The following KIF6 variants were observed in gnomAD, a reference collection of about 807,000 sequenced individuals.
The protein encoded by KIF6 is kinesin-like protein KIF6.
KIF6 carries 106 observed loss-of-function variants against 112.7 expected under a neutral mutation model. The ratio of observed to expected loss-of-function variants is 0.94; its 90% CI spans 0.80 to 1.11. KIF6 has a LOEUF of 1.11. KIF6 is among the 50% of genes least tolerant of loss of function. KIF6 has a pLI of 0.00. For synonymous variants in KIF6, 339 were observed against 339.9 expected (o/e 1.00, Z 0.03); for missense variants, 929 against 964.0 (o/e 0.96, Z 0.48).
chr6:39,367,438 G>A (rs1765646891), intron 16 of KIF6, among the ~76,000 whole-genome samples: 2 of 152,164 alleles, frequency 1.3e-5, no homozygotes, highest in South Asian at 4.1e-4. Flanking sequence ...AGTGGCCTGC[G>A]AGGTCACACT....
chr6:39,725,126 G>A, intron 1 of KIF6, 119 bp downstream of exon 1: 4 of 709,554 alleles, frequency 5.6e-6, no homozygotes, highest in Non-Finnish European at 8.8e-6. Context: ...CGGGATTCCG[G>A]GCGGCCTCGG....
intron 14 of KIF6, among the ~76,000 whole-genome samples, chr6:39,422,322 C>T (rs573006607): frequency 6.6e-6 from 1 of 152,296 alleles, no homozygotes; most frequent in Admixed American, 6.5e-5. Flanking sequence ...GCAGAGGGAG[C>T]CGCTGAGTGC....
At chr6:39,684,299 C>T (rs1307544093) in intron 3 of KIF6, among the ~76,000 whole-genome samples, 7 of 151,976 alleles carry the variant, frequency 4.6e-5, no homozygotes, top group South Asian at 4.1e-4. Context: ...GTCAGGAGTT[C>T]GAGACCAGCC....
intron 13 of KIF6, among the ~76,000 whole-genome samples, chr6:39,476,037 C>G (rs1374524207): frequency 6.6e-6 from 1 of 151,166 alleles, no homozygotes; most frequent in African/African-American, 2.4e-5. Context: ...AACACATACT[C>G]GGGCCTGTGG....
intron 9 of KIF6, chr6:39,583,147 C>T: frequency 3.9e-6 from 1 of 255,784 alleles, no homozygotes; most frequent in Non-Finnish European, 8.0e-6. Flanking sequence ...AACAAACAAA[C>T]AAACAAACAA....
intron 15 of KIF6, among the ~76,000 whole-genome samples, chr6:39,388,736 CGGT>C (rs1562163679): frequency 2.0e-5 from 3 of 152,078 alleles, no homozygotes; most frequent in Non-Finnish European, 4.4e-5. Flanking sequence ...GTCATTACCA[CGGT>C]GATAAATTTG....
At chr6:39,350,381 C>T (rs995744681) in intron 19 of KIF6, among the ~76,000 whole-genome samples, 2 of 152,194 alleles carry the variant, frequency 1.3e-5, no homozygotes, top group East Asian at 1.9e-4. Context: ...TGCACGACTC[C>T]GACAGGCCTG....
At chr6:39,455,741 G>A (rs1384868430) in intron 13 of KIF6, among the ~76,000 whole-genome samples, 2 of 152,018 alleles carry the variant, frequency 1.3e-5, no homozygotes, top group Admixed American at 6.6e-5. Context: ...CTCAGGAGCC[G>A]ATGCGATCAG....
At chr6:39,466,770 A>G (rs1450005206) in intron 13 of KIF6, among the ~76,000 whole-genome samples, 4 of 152,162 alleles carry the variant, frequency 2.6e-5, no homozygotes, top group Non-Finnish European at 5.9e-5. Context: ...AGCAAATGAG[A>G]GATCTGGGGC....
chr6:39,649,944 C>T (rs886609722), intron 3 of KIF6, among the ~76,000 whole-genome samples: 2 of 152,176 alleles, frequency 1.3e-5, no homozygotes, highest in African/African-American at 4.8e-5. Flanking sequence ...AAAACAGTCA[C>T]TTTGGCACAA....
chr6:39,347,542 C>CTAAGT (rs1763901940), intron 19 of KIF6, among the ~76,000 whole-genome samples: 1 of 152,246 alleles, frequency 6.6e-6, no homozygotes, highest in African/African-American at 2.4e-5. Context: ...GGTCCTTACT[C>CTAAGT]TAAGTTGTGC....
chr6:39,480,442 G>A (rs896791030), intron 13 of KIF6, among the ~76,000 whole-genome samples: 1 of 152,128 alleles, frequency 6.6e-6, no homozygotes, highest in Non-Finnish European at 1.5e-5. Flanking sequence ...TATGCTGTTG[G>A]ATTTAGTTAG....
At chr6:39,578,329 ATTTTTTTTTT>A (rs35778593) in intron 9 of KIF6, among the ~76,000 whole-genome samples, 170 bp from the exon 10 acceptor site, 1 of 125,198 alleles carries the variant, frequency 8.0e-6, no homozygotes, top group East Asian at 2.3e-4. Context: ...ATAGTTCTAG[ATTTTTTTTTT>A]TTTTTTTTTT....
At chr6:39,607,532 T>C (rs1260283593) in intron 6 of KIF6, among the ~76,000 whole-genome samples, 8 of 152,176 alleles carry the variant, frequency 5.3e-5, no homozygotes, top group Admixed American at 3.9e-4. Flanking sequence ...ATATATCTTT[T>C]ACTAAGGCTT....
chr6:39,574,395 G>A (rs1370267954), intron 10 of KIF6, among the ~76,000 whole-genome samples: 2 of 152,172 alleles, frequency 1.3e-5, no homozygotes, highest in African/African-American at 4.8e-5. Flanking sequence ...AAGTTTGCAT[G>A]TCGGCAGAAT....
At chr6:39,528,640 C>G (rs565678323) in intron 13 of KIF6, among the ~76,000 whole-genome samples, 123 of 152,296 alleles carry the variant, frequency 8.1e-4, no homozygotes, top group Non-Finnish European at 5.4e-4. Context: ...CACTTGTCAT[C>G]TCTTGTCTTT....
At chr6:39,518,574 T>A (rs544220499) in intron 13 of KIF6, among the ~76,000 whole-genome samples, 8 of 152,322 alleles carry the variant, frequency 5.3e-5, no homozygotes, top group African/African-American at 1.9e-4. Context: ...CTAAAAAGAA[T>A]ACGCTGGGTG....
At chr6:39,667,346 G>A (rs1386856532) in intron 3 of KIF6, among the ~76,000 whole-genome samples, 2 of 152,266 alleles carry the variant, frequency 1.3e-5, no homozygotes, top group African/African-American at 4.8e-5. Flanking sequence ...GAGTTCTGAC[G>A]TTTAAGGCAA....
intron 3 of KIF6, among the ~76,000 whole-genome samples, chr6:39,698,742 T>C (rs543423708): frequency 6.6e-6 from 1 of 152,304 alleles, no homozygotes; most frequent in East Asian, 1.9e-4. Flanking sequence ...TTTACAACTG[T>C]TTTAGCTTTT....
Sources: gnomAD v4.1 joint callset for allele counts (sites outside exome capture counted in the v4.1 genomes callset) on GRCh38, gnomAD v4.1.1 for gene constraint, MANE v1.5 for transcripts, NCBI Gene and HGNC (gene_info 2026-07-23, HGNC 2026-07-21) for gene names.